The following PRELID2 variants were observed in gnomAD, a reference collection of about 807,000 sequenced individuals.
PRELID2 encodes PRELI domain-containing protein 2.
In PRELID2, 25 loss-of-function variants were observed where a neutral mutation model predicts 28.4. The observed-to-expected ratio is 0.88, with a 90% CI of 0.64 to 1.23. PRELID2 has a LOEUF of 1.23. Among genes scored for constraint, PRELID2 ranks in the 50% most tolerant of loss-of-function variants. The pLI, the probability that PRELID2 is intolerant of heterozygous loss-of-function variation, is 0.00. For missense variants in PRELID2, 201 were observed against 214.4 expected (o/e 0.94, Z 0.39); for synonymous variants, 76 against 71.6 (o/e 1.06, Z -0.31).
In PRELID2 at chr5:145,643,351, C is replaced by T. The variant is rs113851334; in HGVS notation, n.70+121580G>A. Among the ~76,000 whole-genome samples the T allele has an allele frequency of 1.9e-3, 283 of 152,244 alleles. 1 individual carries two copies. The highest frequency in any genetic ancestry group is 0.013 in the East Asian group (69 of 5,186). ...TGTGTAGGAATGCTTGTGATTTTTG[C>T]ACATTGATTTTGTATCCTGAGACTT... On this transcript the variant is annotated intron_variant and non_coding_transcript_variant, in intron 1 of 2. Transcript: ENST00000510259.
chr5:145,645,390 T>G (rs976505264), intron 1 of PRELID2, among the ~76,000 whole-genome samples: 1 of 141,536 alleles, frequency 7.1e-6, no homozygotes, highest in Non-Finnish European at 1.5e-5. Flanking sequence ...ATTTGCTTGG[T>G]AAATATCCCT....
Position 145,535,796 on chromosome 5 carries a change from A to G in PRELID2, n.71-62481T>C, listed in dbSNP as rs894186531. Among the ~76,000 whole-genome samples, 9 of 151,912 alleles carry G rather than the reference A, an allele frequency of 5.9e-5. No homozygotes were observed. In the South Asian group the frequency reaches 6.2e-4, roughly 10 times the overall value. On this transcript the variant is annotated intron_variant and non_coding_transcript_variant, in intron 1 of 2. Coordinates refer to the PRELID2 transcript ENST00000510259. Reference sequence around the variant, plus strand: ...AAGTGTTTTAAGTCATTTATTCTAGAACAATAGTTTATTTCTCTTTTTCAC... The same window carrying G: ...AAGTGTTTTAAGTCATTTATTCTAGGACAATAGTTTATTTCTCTTTTTCAC...
At chr5:145,432,599 G>A in the PRELID2 span, among the ~76,000 whole-genome samples, 2 of 152,022 alleles carry the variant, frequency 1.3e-5, no homozygotes. Context: ...ATGTTTGTGT[G>A]TATCTCTCTT....
chr5:145,735,294 C>T (rs1280519336), intron 1 of PRELID2, among the ~76,000 whole-genome samples: 3 of 146,948 alleles, frequency 2.0e-5, no homozygotes, highest in Non-Finnish European at 4.5e-5. Context: ...TTAACTCCAA[C>T]AATGTAGTAG....
intron 1 of PRELID2, among the ~76,000 whole-genome samples, chr5:145,544,972 T>A (rs1174228311): frequency 1.3e-5 from 2 of 151,964 alleles, no homozygotes; most frequent in Non-Finnish European, 2.9e-5. Flanking sequence ...CAAGTCGAAT[T>A]TTTTTCTTCA....
chr5:145,243,654 C>T, the PRELID2 span, among the ~76,000 whole-genome samples: 1 of 151,856 alleles, frequency 6.6e-6, no homozygotes, highest in Non-Finnish European at 1.5e-5. Flanking sequence ...GTGCCAAGGG[C>T]CTGGTGAAAT....
At chr5:145,620,782 G>A (rs918825506) in intron 1 of PRELID2, among the ~76,000 whole-genome samples, 2 of 151,988 alleles carry the variant, frequency 1.3e-5, no homozygotes, top group East Asian at 3.9e-4. Flanking sequence ...AGGCTACAGT[G>A]AGCCATGGCA....
chr5:145,305,841 A>T, the PRELID2 span, among the ~76,000 whole-genome samples: 1 of 152,208 alleles, frequency 6.6e-6, no homozygotes, highest in South Asian at 2.1e-4. Context: ...ACAGGCCCCC[A>T]GGGAAATGCT....
the PRELID2 span, among the ~76,000 whole-genome samples, chr5:145,390,017 T>C: frequency 6.6e-6 from 1 of 152,194 alleles, no homozygotes; most frequent in Non-Finnish European, 1.5e-5. Flanking sequence ...AACCATGAAA[T>C]CTTGAAACAA....
At chr5:145,729,541 A>T (rs779968266) in intron 1 of PRELID2, among the ~76,000 whole-genome samples, 3 of 151,728 alleles carry the variant, frequency 2.0e-5, no homozygotes, top group South Asian at 4.2e-4. Flanking sequence ...CCCTCTACAT[A>T]ATAAATGCCT....
At chr5:145,322,267 C>T in the PRELID2 span, among the ~76,000 whole-genome samples, 170 of 152,306 alleles carry the variant, frequency 1.1e-3, no homozygotes, top group Non-Finnish European at 2.0e-3. Flanking sequence ...AAATATCCCT[C>T]TTATATAGAG....
chr5:145,499,969 C>T (rs1398288988), intron 1 of PRELID2, among the ~76,000 whole-genome samples: 1 of 152,214 alleles, frequency 6.6e-6, no homozygotes, highest in Non-Finnish European at 1.5e-5. Context: ...GGATTAAGAG[C>T]TGTCAGGCTT....
intron 1 of PRELID2, among the ~76,000 whole-genome samples, chr5:145,618,151 T>G (rs1753727145): frequency 1.3e-5 from 2 of 152,220 alleles, no homozygotes; most frequent in Non-Finnish European, 2.9e-5. Context: ...CTGATTAGCC[T>G]AATAACCAAC....
At chr5:145,724,934 G>T (rs1581101767) in intron 1 of PRELID2, among the ~76,000 whole-genome samples, 1 of 151,140 alleles carries the variant, frequency 6.6e-6, no homozygotes, top group African/African-American at 2.4e-5. Context: ...GTAGAAATGA[G>T]GTCTCACTAT....
At chr5:145,357,646 G>T in the PRELID2 span, among the ~76,000 whole-genome samples, 1 of 151,944 alleles carries the variant, frequency 6.6e-6, no homozygotes, top group Admixed American at 6.6e-5. Context: ...CTTCTACATT[G>T]TTTCACCATA....
chr5:145,289,634 C>T, the PRELID2 span, among the ~76,000 whole-genome samples: 2 of 152,134 alleles, frequency 1.3e-5, no homozygotes, highest in Admixed American at 1.3e-4. Flanking sequence ...ATTCCTAGAT[C>T]ATATGGTAAG....
chr5:145,781,935 T>C (rs998901675), intron 5 of PRELID2, among the ~76,000 whole-genome samples: 1 of 151,996 alleles, frequency 6.6e-6, no homozygotes, highest in Admixed American at 6.6e-5. Flanking sequence ...TTTCTCATTG[T>C]CTTTGTCTTT....
At chr5:145,485,713 G>C (rs1195287766) in intron 1 of PRELID2, among the ~76,000 whole-genome samples, 1 of 152,180 alleles carries the variant, frequency 6.6e-6, no homozygotes, top group African/African-American at 2.4e-5. Context: ...CTCAGCACCT[G>C]AGTCGTCAGG....
intron 5 of PRELID2, among the ~76,000 whole-genome samples, chr5:145,789,724 A>G (rs1166077024): frequency 6.6e-6 from 1 of 152,214 alleles, no homozygotes; most frequent in Non-Finnish European, 1.5e-5. Flanking sequence ...TTGGAAGAAA[A>G]TATCTACAAA....
Sources: gnomAD v4.1 joint callset for allele counts (sites outside exome capture counted in the v4.1 genomes callset) on GRCh38, gnomAD v4.1.1 for gene constraint, MANE v1.5 for transcripts, NCBI Gene and HGNC (gene_info 2026-07-23, HGNC 2026-07-21) for gene names.